The following HEMK2 variants were observed in gnomAD, a reference collection of about 807,000 sequenced individuals.
HEMK2 encodes HemK methyltransferase 2, ETF1 glutamine and histone H4 lysine, also known as methyltransferase HEMK2.
At chr21:28,880,749 A>C in the HEMK2 span, among the ~76,000 whole-genome samples, 1 of 150,836 alleles carries the variant, frequency 6.6e-6, no homozygotes, top group Admixed American at 6.6e-5. Context: ...TCTCAAAAAA[A>C]AAAAGAAAGA....
chr21:28,622,920 A>T, the HEMK2 span, among the ~76,000 whole-genome samples: 128 of 152,302 alleles, frequency 8.4e-4, no homozygotes, highest in East Asian at 0.015. Context: ...GGACATAGGC[A>T]TGGGCAAAGA....
At chr21:28,663,990 A>G in the HEMK2 span, among the ~76,000 whole-genome samples, 15 of 152,342 alleles carry the variant, frequency 9.8e-5, no homozygotes, top group Non-Finnish European at 2.1e-4. Context: ...TTGTACATAT[A>G]GTATGCTCAT....
chr21:28,857,784 T>C, the HEMK2 span, among the ~76,000 whole-genome samples: 14 of 152,020 alleles, frequency 9.2e-5, no homozygotes, highest in Non-Finnish European at 1.8e-4. Context: ...GGGAAAGAGA[T>C]TATATGAGCT....
the HEMK2 span, among the ~76,000 whole-genome samples, chr21:28,800,530 T>C: frequency 6.6e-6 from 1 of 152,140 alleles, no homozygotes; most frequent in Non-Finnish European, 1.5e-5. Flanking sequence ...ACACATTATA[T>C]ATAAATGTAT....
the HEMK2 span, among the ~76,000 whole-genome samples, chr21:28,658,043 G>A: frequency 1 from 152,201 of 152,202 alleles, 76,100 homozygotes; most frequent in Non-Finnish European, 1. Flanking sequence ...TATGTGTGCA[G>A]AAATCCTAGA....
the HEMK2 span, among the ~76,000 whole-genome samples, chr21:28,700,038 C>T: frequency 6.6e-6 from 1 of 152,090 alleles, no homozygotes; most frequent in African/African-American, 2.4e-5. Flanking sequence ...AGGTGAGAAA[C>T]AGACCAACAG....
At chr21:28,794,958 G>A in the HEMK2 span, among the ~76,000 whole-genome samples, 587 of 152,298 alleles carry the variant, frequency 3.9e-3, 1 homozygote, top group African/African-American at 0.013. Flanking sequence ...ACCTGGTGCC[G>A]TAGCACTTTG....
At chr21:28,704,609 G>A in the HEMK2 span, among the ~76,000 whole-genome samples, 5 of 150,550 alleles carry the variant, frequency 3.3e-5, no homozygotes, top group African/African-American at 4.9e-5. Context: ...GTTATGAAAT[G>A]CAGGTAGGTT....
chr21:28,594,722 T>A, the HEMK2 span, among the ~76,000 whole-genome samples: 3 of 152,244 alleles, frequency 2.0e-5, no homozygotes, highest in Non-Finnish European at 4.4e-5. Flanking sequence ...TAAATCTCTT[T>A]TTCCTTTGTA....
chr21:28,838,972 A>AAAATATATATATATAT, the HEMK2 span, among the ~76,000 whole-genome samples: 3 of 29,152 alleles, frequency 1.0e-4, no homozygotes, highest in African/African-American at 1.9e-4. Flanking sequence ...AAAAAAAAAA[A>AAAATATATATATATAT]ATATATATAT....
At chr21:28,827,041 T>C in the HEMK2 span, among the ~76,000 whole-genome samples, 1 of 152,020 alleles carries the variant, frequency 6.6e-6, no homozygotes, top group Non-Finnish European at 1.5e-5. Context: ...TGGGAGAAAA[T>C]GCCAGAAGAA....
At chr21:28,604,856 T>A in the HEMK2 span, among the ~76,000 whole-genome samples, 1 of 152,102 alleles carries the variant, frequency 6.6e-6, no homozygotes, top group African/African-American at 2.4e-5. Context: ...TACAGTGGAG[T>A]GGTCAGAGTT....
the HEMK2 span, among the ~76,000 whole-genome samples, chr21:28,705,793 T>G: frequency 6.6e-6 from 1 of 152,150 alleles, no homozygotes; most frequent in South Asian, 2.1e-4. Flanking sequence ...CTTTTCCAGC[T>G]TCCAGAGACT....
At chr21:28,588,226 G>GT in the HEMK2 span, among the ~76,000 whole-genome samples, 1 of 152,122 alleles carries the variant, frequency 6.6e-6, no homozygotes, top group Admixed American at 6.5e-5. Flanking sequence ...AAAAAGTGTT[G>GT]TAAGAAAGCT....
chr21:28,607,488 T>C, the HEMK2 span, among the ~76,000 whole-genome samples: 3 of 152,230 alleles, frequency 2.0e-5, no homozygotes, highest in Non-Finnish European at 4.4e-5. Flanking sequence ...GGCGTCATCA[T>C]TGCAGGCAGA....
the HEMK2 span, among the ~76,000 whole-genome samples, chr21:28,617,552 C>CA: frequency 6.6e-6 from 1 of 152,198 alleles, no homozygotes; most frequent in Non-Finnish European, 1.5e-5. Flanking sequence ...CTCAGCTCTA[C>CA]AAAGCATTGG....
chr21:28,718,055 C>T, the HEMK2 span, among the ~76,000 whole-genome samples: 3 of 152,126 alleles, frequency 2.0e-5, no homozygotes, highest in Non-Finnish European at 4.4e-5. Flanking sequence ...TTGATGCAGG[C>T]ATTTAGTACT....
chr21:28,728,836 A>G, the HEMK2 span, among the ~76,000 whole-genome samples: 1 of 152,224 alleles, frequency 6.6e-6, no homozygotes, highest in Non-Finnish European at 1.5e-5. Flanking sequence ...AAGACAGTAC[A>G]TTTTAATCTT....
chr21:28,737,862 G>A, the HEMK2 span, among the ~76,000 whole-genome samples: 4 of 152,302 alleles, frequency 2.6e-5, 1 homozygote, highest in African/African-American at 9.6e-5. Flanking sequence ...TTGGCAGCTA[G>A]CCAGTAATAT....
Sources: gnomAD v4.1 joint callset for allele counts (sites outside exome capture counted in the v4.1 genomes callset) on GRCh38, gnomAD v4.1.1 for gene constraint, MANE v1.5 for transcripts, NCBI Gene and HGNC (gene_info 2026-07-23, HGNC 2026-07-21) for gene names.